DENND5B: variants seen among roughly 807,000 people sequenced by gnomAD.
The protein encoded by DENND5B is DENN domain-containing protein 5B.
In DENND5B, 34 loss-of-function variants were observed where a neutral mutation model predicts 140.6. The observed-to-expected ratio is 0.24, with a 90% CI of 0.18 to 0.32. The LOEUF (loss-of-function observed/expected upper bound fraction) is 0.32, where lower values mean the gene tolerates loss of function less well. DENND5B is among the 10% of genes least tolerant of loss of function. DENND5B has a pLI of 1.00. For synonymous variants in DENND5B, 551 were observed against 562.1 expected (o/e 0.98, Z 0.28); for missense variants, 1,142 against 1,560.2 (o/e 0.73, Z 4.52).
intron 17 of DENND5B, among the ~76,000 whole-genome samples, chr12:31,394,847 T>C (rs1941349339): frequency 6.6e-6 from 1 of 152,104 alleles, no homozygotes; most frequent in East Asian, 1.9e-4. Flanking sequence ...TCTGCTGACC[T>C]TGTGATCCGC....
intron 1 of DENND5B, among the ~76,000 whole-genome samples, chr12:31,536,144 C>G (rs1018218143): frequency 6.6e-6 from 1 of 152,114 alleles, no homozygotes; most frequent in African/African-American, 2.4e-5. Flanking sequence ...AGAAGTCGAG[C>G]AGATGTCAGA....
intron 1 of DENND5B, among the ~76,000 whole-genome samples, chr12:31,544,509 T>G (rs1424721730): frequency 1.3e-5 from 2 of 152,160 alleles, no homozygotes; most frequent in Non-Finnish European, 2.9e-5. Flanking sequence ...GGTCTCGAGG[T>G]CCTGGGCTCA....
At chr12:31,499,592 A>C (rs1180558320) in intron 1 of DENND5B, 5 of 1,480,840 alleles carry the variant, frequency 3.4e-6, no homozygotes, top group East Asian at 2.5e-5. Flanking sequence ...CCTTGTTCTT[A>C]ATTTTATTTT....
At chr12:31,435,873 C>G (rs992018346) in intron 7 of DENND5B, among the ~76,000 whole-genome samples, 1 of 152,148 alleles carries the variant, frequency 6.6e-6, no homozygotes, top group Admixed American at 6.6e-5. Context: ...GTTGGCCAGG[C>G]TGGTCTCGAA....
In DENND5B at chr12:31,563,523, AG is replaced by A. The variant is rs1312041704; in HGVS notation, c.127+27182del. On this transcript the variant is annotated intron_variant, in intron 1 of 20. Coordinates refer to ENST00000389082, the MANE Select transcript of DENND5B (RefSeq NM_144973.4). ...CAAAGTTTCTTCCTAAAACAGAAGC[AG>A]GAACACCTAAGTGAACTCAAGTTAC... Among the ~76,000 whole-genome samples, 7 of 152,282 alleles carry A rather than the reference AG, an allele frequency of 4.6e-5. No homozygotes were observed. The South Asian group carries it at 1.5e-3, about 32-fold the overall frequency.
chr12:31,408,522 G>A (rs111497667), intron 14 of DENND5B, among the ~76,000 whole-genome samples: 1,712 of 149,758 alleles, frequency 0.011, 18 homozygotes, highest in East Asian at 0.031. Flanking sequence ...AGCTACTCAG[G>A]AGGCTGAGGC....
chr12:31,576,180 AG>A (rs1950011500), intron 1 of DENND5B, among the ~76,000 whole-genome samples: 2 of 149,302 alleles, frequency 1.3e-5, no homozygotes, highest in Non-Finnish European at 3.0e-5. Context: ...CCGCGCGCAC[AG>A]GGGCTCACAC....
At chr12:31,482,435 CATCT>C (rs1314711702) in intron 2 of DENND5B, among the ~76,000 whole-genome samples, 3 of 152,160 alleles carry the variant, frequency 2.0e-5, no homozygotes, top group Non-Finnish European at 2.9e-5. Context: ...TAATTCCATC[CATCT>C]AATTTGCCCA....
intron 1 of DENND5B, among the ~76,000 whole-genome samples, chr12:31,580,786 C>T (rs531930144): frequency 6.6e-5 from 10 of 151,702 alleles, no homozygotes; most frequent in South Asian, 6.3e-4. Context: ...TAAGCCACCG[C>T]GCCTGGTCCA....
At position 31,519,127 on chromosome 12, in the gene DENND5B, C is replaced by T. The variant is rs778932104; in HGVS notation, c.128-23208G>A. ...GTGGAAATGACTTCGAAAGGAGATA[C>T]GGAAGACAAACGATGCACCAAATTT... On this transcript the variant is annotated intron_variant, in intron 1 of 20. Transcript: ENST00000389082. Among the ~76,000 whole-genome samples, 9 of 152,162 alleles carry T rather than the reference C, an allele frequency of 5.9e-5. No individual in the cohort carries two copies. The East Asian group carries it at 9.6e-4, about 16-fold the overall frequency.
At chr12:31,562,476 G>T (rs1949508953) in intron 1 of DENND5B, among the ~76,000 whole-genome samples, 1 of 152,090 alleles carries the variant, frequency 6.6e-6, no homozygotes, top group South Asian at 2.1e-4. Context: ...TGGGCGTGGT[G>T]GCGGGCACCT....
chr12:31,507,898 T>G (rs1055521547), intron 1 of DENND5B, among the ~76,000 whole-genome samples: 1 of 152,212 alleles, frequency 6.6e-6, no homozygotes, highest in Admixed American at 6.5e-5. Context: ...AAACACATTA[T>G]TTTATTACTA....
At chr12:31,483,124 T>G (rs1196985334) in intron 2 of DENND5B, among the ~76,000 whole-genome samples, 1 of 152,220 alleles carries the variant, frequency 6.6e-6, no homozygotes, top group Non-Finnish European at 1.5e-5. Flanking sequence ...TCATTCCTTG[T>G]GGCAGATATA....
intron 17 of DENND5B, among the ~76,000 whole-genome samples, chr12:31,396,102 C>T: frequency 7.9e-6 from 1 of 127,342 alleles, no homozygotes; most frequent in African/African-American, 2.9e-5. Flanking sequence ...ACTCTGTTGC[C>T]CAGGCTGTAG....
At chr12:31,574,555 ACTCC>A (rs1949946410) in intron 1 of DENND5B, among the ~76,000 whole-genome samples, 2 of 152,040 alleles carry the variant, frequency 1.3e-5, no homozygotes, top group African/African-American at 4.8e-5. Context: ...GCGTCACCGC[ACTCC>A]AGCCTGGGTG....
At chr12:31,487,151 G>A (rs1466641052) in intron 2 of DENND5B, among the ~76,000 whole-genome samples, 1 of 152,156 alleles carries the variant, frequency 6.6e-6, no homozygotes, top group Non-Finnish European at 1.5e-5. Context: ...ATGAGATGTG[G>A]AAAGGACTAA....
intron 6 of DENND5B, among the ~76,000 whole-genome samples, chr12:31,444,652 A>G (rs965616468): frequency 6.6e-5 from 10 of 152,240 alleles, no homozygotes; most frequent in Admixed American, 5.9e-4. Context: ...ACTTTCTGGA[A>G]GCACACAATT....
intron 1 of DENND5B, among the ~76,000 whole-genome samples, chr12:31,582,012 C>G (rs1206785557): frequency 6.6e-6 from 1 of 152,022 alleles, no homozygotes; most frequent in Non-Finnish European, 1.5e-5. Flanking sequence ...GGAACAATAG[C>G]GAGAACAAAA....
At position 31,462,952 on chromosome 12, in the gene DENND5B, G is replaced by A. The variant is rs537235305; in HGVS notation, c.905-2571C>T. Among the ~76,000 whole-genome samples, 3 of 150,900 alleles carry A rather than the reference G, an allele frequency of 2.0e-5. No individual in the cohort carries two copies. The East Asian group carries it at 5.9e-4, about 30-fold the overall frequency. On this transcript the variant is annotated intron_variant, in intron 3 of 20. Transcript: ENST00000389082. ...CCAGCCTGGGCAACAGTGAGACTCC[G>A]TCTCAGAAAAAAAAACAAAAAACAA...
Sources: allele counts gnomAD v4.1 joint callset (sites outside exome capture counted in the v4.1 genomes callset), GRCh38; gene constraint gnomAD v4.1.1; transcripts MANE v1.5; gene names NCBI Gene and HGNC (gene_info 2026-07-23, HGNC 2026-07-21).